Variants in DRC8 observed in about 807,000 individuals in gnomAD.
The protein encoded by DRC8 is dynein regulatory complex protein 8.
At chr1:245,017,185 T>A in the DRC8 span, 1 of 1,523,436 alleles carries the variant, frequency 6.6e-7, no homozygotes, top group Non-Finnish European at 8.9e-7. Flanking sequence ...TATTAGAATT[T>A]TTGTTTTGAA....
the DRC8 span, among the ~76,000 whole-genome samples, chr1:245,116,449 G>A: frequency 6.6e-6 from 1 of 152,078 alleles, no homozygotes; most frequent in African/African-American, 2.4e-5. Flanking sequence ...AAATTAGGAG[G>A]TGACATCTGA....
chr1:245,097,395 G>C, the DRC8 span, among the ~76,000 whole-genome samples: 168 of 152,206 alleles, frequency 1.1e-3, 1 homozygote, highest in Non-Finnish European at 2.1e-3. This position sits in a 1 kb window ranked among gnomAD's most constrained non-coding sequence, Gnocchi z 5.0. Flanking sequence ...GCGGGCGCCT[G>C]TAGTCCCAGC....
chr1:244,986,796 C>T, the DRC8 span, among the ~76,000 whole-genome samples: 6 of 150,848 alleles, frequency 4.0e-5, no homozygotes, highest in African/African-American at 1.5e-4. Flanking sequence ...GGGTGGAGCA[C>T]GGCAAGAGCA....
chr1:245,014,788 T>G, the DRC8 span, among the ~76,000 whole-genome samples: 1 of 152,156 alleles, frequency 6.6e-6, no homozygotes, highest in Non-Finnish European at 1.5e-5. Context: ...TGAGCTTTGG[T>G]TTCTTTTTTT....
the DRC8 span, among the ~76,000 whole-genome samples, chr1:244,985,097 T>C: frequency 0.54 from 78,755 of 146,258 alleles, 23,003 homozygotes; most frequent in East Asian, 0.75. Context: ...TTTTTTTTTT[T>C]TCTGATTACA....
chr1:244,996,159 C>T, the DRC8 span, among the ~76,000 whole-genome samples: 8 of 152,158 alleles, frequency 5.3e-5, no homozygotes, highest in African/African-American at 1.9e-4. Flanking sequence ...CTGGGGCTGC[C>T]GTAATCTGAT....
chr1:245,014,579 A>G, the DRC8 span, among the ~76,000 whole-genome samples: 2 of 151,994 alleles, frequency 1.3e-5, no homozygotes, highest in Admixed American at 1.3e-4. Flanking sequence ...ACCTGGAAAA[A>G]TATAACATTT....
chr1:244,970,135 G>T, the DRC8 span: 1 of 682,064 alleles, frequency 1.5e-6, no homozygotes, highest in South Asian at 1.6e-5. Flanking sequence ...GCTAGGCCCG[G>T]GACAAGTCCG....
chr1:245,016,185 T>G, the DRC8 span, among the ~76,000 whole-genome samples: 4 of 152,144 alleles, frequency 2.6e-5, no homozygotes, highest in African/African-American at 9.7e-5. Context: ...TTCACCCTGT[T>G]GGCCAGGCTG....
chr1:244,972,095 T>C, the DRC8 span, among the ~76,000 whole-genome samples: 3 of 152,184 alleles, frequency 2.0e-5, no homozygotes, highest in African/African-American at 2.4e-5. Context: ...TATTTCTCGT[T>C]TTTTAAAAAC....
the DRC8 span, among the ~76,000 whole-genome samples, chr1:244,971,594 A>T: frequency 6.6e-6 from 1 of 152,246 alleles, no homozygotes; most frequent in Admixed American, 6.5e-5. Context: ...AACAAGTAGG[A>T]AGTGAAAATA....
the DRC8 span, among the ~76,000 whole-genome samples, chr1:245,072,782 A>G: frequency 6.6e-6 from 1 of 152,298 alleles, no homozygotes; most frequent in African/African-American, 2.4e-5. Flanking sequence ...TTGGTGATAA[A>G]TGACTTCACA....
At chr1:245,101,876 T>C in the DRC8 span, among the ~76,000 whole-genome samples, 2 of 152,222 alleles carry the variant, frequency 1.3e-5, no homozygotes, top group Non-Finnish European at 2.9e-5. Context: ...CTGCTTCAGG[T>C]TGGATTCTAA....
chr1:244,972,825 A>AC, the DRC8 span, among the ~76,000 whole-genome samples: 5 of 151,974 alleles, frequency 3.3e-5, no homozygotes, highest in African/African-American at 7.3e-5. Flanking sequence ...CAAAAAAAAA[A>AC]AAAAACAAAA....
chr1:245,041,880 C>T, the DRC8 span, among the ~76,000 whole-genome samples: 2 of 151,972 alleles, frequency 1.3e-5, no homozygotes, highest in Non-Finnish European at 2.9e-5. Context: ...TGAGGAAGGC[C>T]CCAGAAGCAG....
the DRC8 span, among the ~76,000 whole-genome samples, chr1:245,036,097 G>A: frequency 6.6e-6 from 1 of 152,110 alleles, no homozygotes; most frequent in Non-Finnish European, 1.5e-5. Context: ...AAGATAAAGA[G>A]ACAAGCCACA....
At chr1:244,988,359 T>C in the DRC8 span, among the ~76,000 whole-genome samples, 1 of 152,252 alleles carries the variant, frequency 6.6e-6, no homozygotes, top group East Asian at 1.9e-4. Flanking sequence ...TGTTATTATA[T>C]TGACATACTA....
chr1:244,975,022 C>T, the DRC8 span, among the ~76,000 whole-genome samples: 1 of 152,096 alleles, frequency 6.6e-6, no homozygotes, highest in South Asian at 2.1e-4. Flanking sequence ...GCTCTGCCTC[C>T]CAGGTTCACA....
At chr1:244,970,045 T>C in the DRC8 span, 1 of 616,920 alleles carries the variant, frequency 1.6e-6, no homozygotes, top group Non-Finnish European at 2.9e-6. Flanking sequence ...GGGCGAGGGG[T>C]GTGTGCGCGC....
Sources: allele counts gnomAD v4.1 joint callset (sites outside exome capture counted in the v4.1 genomes callset), GRCh38; gene constraint gnomAD v4.1.1; non-coding constraint Gnocchi (gnomAD v3.1); transcripts MANE v1.5; gene names NCBI Gene and HGNC (gene_info 2026-07-23, HGNC 2026-07-21).